Variants in ZBTB7C observed in about 807,000 individuals in gnomAD.
The protein encoded by ZBTB7C is zinc finger and BTB domain-containing protein 7C.
Under a neutral mutation model 25.7 loss-of-function variants are expected in ZBTB7C, and 8 were observed. The observed-to-expected ratio is 0.31, with a 90% confidence interval of 0.18 to 0.56. ZBTB7C has a LOEUF of 0.56. Among genes scored for constraint, ZBTB7C ranks in the 20% least tolerant of loss-of-function variants. ZBTB7C has a pLI of 0.91. For synonymous variants in ZBTB7C, 394 were observed against 369.0 expected, an observed-to-expected ratio of 1.07 and a Z score of -0.78; for missense variants, 824 against 855.2, an observed-to-expected ratio of 0.96 and a Z score of 0.46.
chr18:48,041,962 C>T (rs2036264727), intron 3 of ZBTB7C, among the ~76,000 whole-genome samples: 1 of 152,066 alleles, frequency 6.6e-6, no homozygotes, highest in Admixed American at 6.6e-5. Flanking sequence ...TCTGAGACAC[C>T]TTATCATTGT....
chr18:48,051,812 C>T (rs1487468594), intron 3 of ZBTB7C, among the ~76,000 whole-genome samples: 1 of 152,176 alleles, frequency 6.6e-6, no homozygotes, highest in Non-Finnish European at 1.5e-5. Context: ...AGTGCCACCG[C>T]AGATGGCTGG....
chr18:48,261,519 C>T (rs2044170956), intron 2 of ZBTB7C, among the ~76,000 whole-genome samples: 1 of 152,190 alleles, frequency 6.6e-6, no homozygotes, highest in Non-Finnish European at 1.5e-5. Flanking sequence ...AAGTCACTGG[C>T]TCCAGAGAGA....
At chr18:48,272,166 T>A (rs368452046) in intron 2 of ZBTB7C, among the ~76,000 whole-genome samples, 1 of 152,202 alleles carries the variant, frequency 6.6e-6, no homozygotes, top group African/African-American at 2.4e-5. Context: ...TGCTTCCAGA[T>A]GAGATTAACA....
chr18:48,377,696 G>C (rs2047551816), intron 1 of ZBTB7C, among the ~76,000 whole-genome samples: 2 of 152,162 alleles, frequency 1.3e-5, no homozygotes, highest in Non-Finnish European at 2.9e-5. Context: ...ACCGCTTTTG[G>C]AAGCTGGAGA....
In ZBTB7C at chr18:48,039,987, A is replaced by G. The variant is rs1306139557; in HGVS notation, c.1121T>C (p.Met374Thr). ...QQCPICHKVI[M>T]GAGKLPRHMR... ...GTGCCGCGGCAGCTTCCCGGCCCCC[A>G]TGATGACTTTGTGGCAGATGGGGCA... The change falls in exon 4 of 5, where the codon ATG becomes ACG. Residue 374 changes from methionine (M) to threonine (T), a missense_variant. This residue lies in a region of ZBTB7C where 49 missense variants were observed against 81.3 expected (regional missense o/e 0.60). Transcript: ENST00000590800. 2.5e-6 allele frequency: 4 copies of G among 1,614,070 alleles called. No homozygotes were observed. The highest frequency in any genetic ancestry group is 3.4e-6 in the Non-Finnish European group (4 of 1,180,028).
At chr18:48,332,741 G>A (rs577497569) in intron 2 of ZBTB7C, among the ~76,000 whole-genome samples, 84 of 124,728 alleles carry the variant, frequency 6.7e-4, no homozygotes, top group African/African-American at 2.5e-3. Flanking sequence ...CAGGGACCTC[G>A]TATTCCCTCC....
At chr18:48,398,178 C>T (rs751794893) in intron 1 of ZBTB7C, among the ~76,000 whole-genome samples, 18 of 152,224 alleles carry the variant, frequency 1.2e-4, no homozygotes, top group Non-Finnish European at 2.5e-4. Context: ...AAGCTGTGTA[C>T]ACACAGGGAC....
At chr18:48,055,691 C>T (rs577143468) in intron 3 of ZBTB7C, among the ~76,000 whole-genome samples, 1 of 152,280 alleles carries the variant, frequency 6.6e-6, no homozygotes, top group South Asian at 2.1e-4. Context: ...GCACCAAGGA[C>T]TAGACTTTCC....
At chr18:48,117,871 G>A (rs1304469183) in intron 3 of ZBTB7C, among the ~76,000 whole-genome samples, 2 of 151,870 alleles carry the variant, frequency 1.3e-5, no homozygotes, top group African/African-American at 4.8e-5. Flanking sequence ...ACCTTTACTT[G>A]CCAGCCCTGG....
At chr18:48,141,858 A>G (rs2040359948) in intron 3 of ZBTB7C, among the ~76,000 whole-genome samples, 1 of 152,090 alleles carries the variant, frequency 6.6e-6, no homozygotes, top group Non-Finnish European at 1.5e-5. Flanking sequence ...CTATGACCTC[A>G]CCGTTCTGAA....
intron 1 of ZBTB7C, among the ~76,000 whole-genome samples, chr18:48,389,003 G>GCC (rs1224169998): frequency 6.6e-6 from 1 of 151,996 alleles, no homozygotes; most frequent in Non-Finnish European, 1.5e-5. Flanking sequence ...CCTCTCCTCT[G>GCC]CCCCCCAGTC....
At chr18:48,129,448 C>T (rs141546971) in intron 3 of ZBTB7C, among the ~76,000 whole-genome samples, 4 of 151,866 alleles carry the variant, frequency 2.6e-5, no homozygotes, top group African/African-American at 7.3e-5. Context: ...CCTGATCAGT[C>T]GGAGGCAGAT....
rs553786857 is a variant in ZBTB7C, at chr18:48,027,982, T to C, written c.*1278A>G. 6.6e-6 allele frequency: 1 copy of C among 152,198 alleles called. No individual in the cohort carries two copies. Among genetic ancestry groups the C allele is most frequent in the South Asian group, 2.1e-4 (1 of 4,828 alleles). 9.4% of individuals were successfully genotyped at this position (152,198 alleles called of 1,614,324 possible). ...CTCCACCTCCCTGCACTGAGCCCTT[T>C]TGTCAAAAATGGGGAGCCAAATACT... is the stretch of plus-strand genomic sequence containing the variant. On this transcript the variant is annotated 3_prime_UTR_variant, in exon 5 of 5. Coordinates refer to ENST00000590800, the MANE Select transcript of ZBTB7C (RefSeq NM_001318841.2).
chr18:48,270,253 C>CTTTTTTTTTTTTTTTTTTTTTTT (rs760096959), intron 2 of ZBTB7C, among the ~76,000 whole-genome samples: 1 of 98,754 alleles, frequency 1.0e-5, no homozygotes, highest in Non-Finnish European at 2.0e-5. Flanking sequence ...TTCTCTCTTT[C>CTTTTTTTTTTTTTTTTTTTTTTT]TTTTTTTTTT....
At chr18:48,173,559 C>T (rs1012076998) in intron 3 of ZBTB7C, among the ~76,000 whole-genome samples, 1 of 152,224 alleles carries the variant, frequency 6.6e-6, no homozygotes, top group Non-Finnish European at 1.5e-5. Context: ...TTTCCAAGGC[C>T]TGGCAAATCC....
chr18:48,077,157 G>A (rs867859646), intron 3 of ZBTB7C, among the ~76,000 whole-genome samples: 1 of 152,014 alleles, frequency 6.6e-6, no homozygotes, highest in Non-Finnish European at 1.5e-5. Context: ...AATCCTGCAG[G>A]GGTGGGGTGG....
intron 3 of ZBTB7C, among the ~76,000 whole-genome samples, chr18:48,043,082 A>G (rs1386661967): frequency 6.6e-6 from 1 of 152,222 alleles, no homozygotes; most frequent in Non-Finnish European, 1.5e-5. Context: ...AAAAATACTG[A>G]TAACACCGAA....
chr18:48,192,436 T>C (rs1482332602), intron 2 of ZBTB7C, among the ~76,000 whole-genome samples: 1 of 152,216 alleles, frequency 6.6e-6, no homozygotes, highest in African/African-American at 2.4e-5. Flanking sequence ...ACGTGGACCG[T>C]GAACTCCAGT....
chr18:48,254,523 T>C (rs1012573027), intron 2 of ZBTB7C, among the ~76,000 whole-genome samples: 12 of 152,172 alleles, frequency 7.9e-5, no homozygotes, highest in Non-Finnish European at 1.8e-4. Flanking sequence ...TTTTCCCTTT[T>C]TCGGACACCT....
Sources: gnomAD v4.1 joint callset for allele counts (sites outside exome capture counted in the v4.1 genomes callset) on GRCh38, gnomAD v4.1.1 for gene constraint, gnomAD v4.1.1 regional missense constraint, MANE v1.5 for transcripts, NCBI Gene and HGNC (gene_info 2026-07-23, HGNC 2026-07-21) for gene names.